Variants in COL22A1 observed in about 807,000 individuals in gnomAD.
COL22A1 encodes collagen alpha-1(XXII) chain.
Under a neutral mutation model 248.9 loss-of-function variants are expected in COL22A1, and 221 were observed. The observed-to-expected ratio is 0.89, with a 90% confidence interval of 0.80 to 0.99. The LOEUF (loss-of-function observed/expected upper bound fraction) is 0.99. Ranked by LOEUF, COL22A1 falls within the 50% of genes least tolerant of loss-of-function variation. The probability of loss-of-function intolerance (pLI) is 0.00; values close to 1 mark genes in which losing one functional copy is unlikely to be tolerated. For missense variants in COL22A1, 2,240 were observed against 2,179.0 expected (o/e 1.03, Z -0.56); for synonymous variants, 891 against 793.4 (o/e 1.12, Z -2.07).
intron 62 of COL22A1, among the ~76,000 whole-genome samples, chr8:138,595,363 A>T (rs74776305): frequency 0.037 from 5,569 of 152,168 alleles, 348 homozygotes; most frequent in African/African-American, 0.12. Flanking sequence ...AGCCCAGCAG[A>T]TTCTCTATCC....
intron 22 of COL22A1, among the ~76,000 whole-genome samples, chr8:138,750,958 A>G (rs76911068): frequency 0.043 from 6,519 of 152,164 alleles, 172 homozygotes; most frequent in African/African-American, 0.08. Flanking sequence ...TTACTGGTGA[A>G]TTATACCCTT....
At chr8:138,891,320 C>T (rs376262486) in intron 1 of COL22A1, among the ~76,000 whole-genome samples, 1 of 152,260 alleles carries the variant, frequency 6.6e-6, no homozygotes, top group African/African-American at 2.4e-5. Context: ...TAGTACTAAT[C>T]ACCCCCTTTA....
chr8:138,714,241 ATC>A (rs1829261195), intron 30 of COL22A1, among the ~76,000 whole-genome samples: 2 of 152,064 alleles, frequency 1.3e-5, no homozygotes, highest in Non-Finnish European at 1.5e-5. Context: ...GTGTATCAAA[ATC>A]TCTCTGAGTC....
chr8:138,637,001 G>A (rs1046895352), intron 47 of COL22A1, among the ~76,000 whole-genome samples: 4 of 152,150 alleles, frequency 2.6e-5, no homozygotes, highest in Admixed American at 6.6e-5. Flanking sequence ...ACTGGGATTT[G>A]GGGTATGGGG....
rs190766598 is a variant in COL22A1 at position 138,872,210 on chromosome 8, G to A, written c.658+5540C>T. Among the ~76,000 whole-genome samples the A allele has an allele frequency of 2.0e-4, 31 of 152,252 alleles. No homozygotes were observed. In the East Asian group the frequency reaches 5.8e-3, roughly 28 times the overall value. ...CCCACCCTCAGTCGTATTGGCAAGT[G>A]GAAGCGCCCAGGAGTCAAAACTCTC... On this transcript the variant is annotated intron_variant, in intron 3 of 64. Coordinates refer to ENST00000303045, the MANE Select transcript of COL22A1 (RefSeq NM_152888.3).
chr8:138,748,167 G>A (rs972293763), intron 22 of COL22A1, among the ~76,000 whole-genome samples: 2 of 152,052 alleles, frequency 1.3e-5, no homozygotes, highest in Non-Finnish European at 2.9e-5. Flanking sequence ...CTTTTCCCTT[G>A]GATGTGCCTA....
intron 15 of COL22A1, among the ~76,000 whole-genome samples, chr8:138,776,919 A>G (rs573660155): frequency 6.6e-6 from 1 of 152,302 alleles, no homozygotes; most frequent in East Asian, 1.9e-4. Flanking sequence ...CTACTCTGAG[A>G]AGCAGAAGGC....
At chr8:138,758,505 A>G in intron 18 of COL22A1, among the ~76,000 whole-genome samples, 1 of 152,366 alleles carries the variant, frequency 6.6e-6, no homozygotes, top group Non-Finnish European at 1.5e-5. Context: ...AAATCATCGA[A>G]TGGACAGGCA....
At position 138,662,037 on chromosome 8, in the gene COL22A1, C is replaced by A. The variant is rs1399394718; in HGVS notation, c.3233G>T (p.Gly1078Val). The A allele has an allele frequency of 1.2e-6, 2 of 1,611,780 alleles. No individual in the cohort carries two copies. The highest frequency in any genetic ancestry group is 2.2e-5 in the East Asian group (1 of 44,712). ...CCATTTCTCTGTACTTACGTCCCGG[C>A]CGGCTGGGCCCTGGGGGCCAGGGAA... ...PGFPGPQGPA[G>V]RDGAPGNPGE... The change falls in exon 43 of 65, where the codon GGC becomes GTC. Residue 1078 changes from glycine (G) to valine (V), a missense_variant. Physicochemically the swap from Gly to Val is moderately radical, Grantham distance 109 (BLOSUM62 -3). Transcript: ENST00000303045.
intron 3 of COL22A1, among the ~76,000 whole-genome samples, chr8:138,868,801 G>C (rs1823098251): frequency 6.6e-6 from 1 of 152,018 alleles, no homozygotes; most frequent in Middle Eastern, 3.4e-3. Context: ...CACAATCTCG[G>C]CTCACTGCAA....
At chr8:138,866,393 T>C (rs895994228) in intron 3 of COL22A1, among the ~76,000 whole-genome samples, 6 of 152,230 alleles carry the variant, frequency 3.9e-5, no homozygotes, top group African/African-American at 1.4e-4. Flanking sequence ...TAGAGACATA[T>C]ATTTATATAG....
In COL22A1 at chr8:138,755,476, T is replaced by G; in HGVS notation, c.1977+6A>C. ...CCCATGAGAAGAAGACGCGTGTGCCTCTTACCTGTTCCCCTTTCAAGCCCT... is the reference window on the plus strand; with the variant it reads ...CCCATGAGAAGAAGACGCGTGTGCCGCTTACCTGTTCCCCTTTCAAGCCCT... On this transcript the variant is annotated splice_donor_region_variant and intron_variant, in intron 20 of 64. Transcript: ENST00000303045. 1 of 1,613,614 alleles carries G rather than the reference T, an allele frequency of 6.2e-7. No individual in the cohort carries two copies. The highest frequency in any genetic ancestry group is 1.7e-5 in the Admixed American group (1 of 60,026).
intron 23 of COL22A1, among the ~76,000 whole-genome samples, chr8:138,735,534 A>G (rs921138696): frequency 6.6e-6 from 1 of 152,210 alleles, no homozygotes; most frequent in Non-Finnish European, 1.5e-5. Flanking sequence ...AGGGGGAAAA[A>G]TTATAGCTTA....
chr8:138,884,673 C>G (rs555655050), intron 1 of COL22A1, among the ~76,000 whole-genome samples: 1 of 152,112 alleles, frequency 6.6e-6, no homozygotes, highest in South Asian at 2.1e-4. Context: ...TGACATCCTA[C>G]GAACTGGCAT....
intron 1 of COL22A1, among the ~76,000 whole-genome samples, chr8:138,904,017 G>C (rs1407619853): frequency 6.6e-6 from 1 of 152,134 alleles, no homozygotes; most frequent in Non-Finnish European, 1.5e-5. Context: ...GAGGTACCCA[G>C]AGCTACTGTG....
intron 23 of COL22A1, among the ~76,000 whole-genome samples, chr8:138,736,325 C>T (rs1426458502): frequency 6.6e-6 from 1 of 151,940 alleles, no homozygotes; most frequent in East Asian, 1.9e-4. Flanking sequence ...GAATTCTGTA[C>T]ACTGCAAAGG....
At chr8:138,686,744 C>G (rs115034719) in intron 37 of COL22A1, among the ~76,000 whole-genome samples, 1 of 152,308 alleles carries the variant, frequency 6.6e-6, no homozygotes, top group African/African-American at 2.4e-5. Flanking sequence ...TCTGAACATG[C>G]ACCTGTTAGT....
chr8:138,841,939 TA>T (rs1428592257), intron 4 of COL22A1, among the ~76,000 whole-genome samples: 1 of 152,082 alleles, frequency 6.6e-6, no homozygotes, highest in African/African-American at 2.4e-5. Flanking sequence ...GAAAAGAGAG[TA>T]ACTTTTGATG....
intron 9 of COL22A1, 120 bp from the exon 10 acceptor site, chr8:138,807,932 G>A (rs994403378): frequency 6.4e-5 from 61 of 950,770 alleles, no homozygotes; most frequent in Non-Finnish European, 8.2e-5. Context: ...GCCCAGCGCC[G>A]ACCAATGAGT....
Sources: gnomAD v4.1 joint callset for allele counts (sites outside exome capture counted in the v4.1 genomes callset) on GRCh38, gnomAD v4.1.1 for gene constraint, MANE v1.5 for transcripts, NCBI Gene and HGNC (gene_info 2026-07-23, HGNC 2026-07-21) for gene names.